Variants in SLC24A2 observed in about 807,000 individuals in gnomAD.
The protein encoded by SLC24A2 is solute carrier family 24 member 2.
SLC24A2 carries 36 observed loss-of-function variants against 62.0 expected under a neutral mutation model. That is an observed-to-expected ratio of 0.58 (90% CI 0.44 to 0.77). The LOEUF is 0.77. Ranked by LOEUF, SLC24A2 falls within the 30% of genes least tolerant of loss-of-function variation. The pLI, the probability that SLC24A2 is intolerant of heterozygous loss-of-function variation, is 0.00. For missense variants in SLC24A2, 846 were observed against 817.9 expected (o/e 1.03, Z -0.42); for synonymous variants, 358 against 294.0 (o/e 1.22, Z -2.23).
intron 2 of SLC24A2, among the ~76,000 whole-genome samples, chr9:19,688,298 G>A (rs112383870): frequency 6.6e-6 from 1 of 152,086 alleles, no homozygotes; most frequent in African/African-American, 2.4e-5. Context: ...CTTCTCCAGA[G>A]CCTCAGTTTC....
the SLC24A2 span, among the ~76,000 whole-genome samples, chr9:20,277,630 C>A: frequency 6.6e-6 from 1 of 152,172 alleles, no homozygotes; most frequent in Admixed American, 6.5e-5. Context: ...CACTTTTACA[C>A]TATTGGTGGG....
intron 7 of SLC24A2, among the ~76,000 whole-genome samples, chr9:19,561,436 CTTTTTTT>C (rs10641024): frequency 7.2e-6 from 1 of 138,206 alleles, no homozygotes; most frequent in Non-Finnish European, 1.5e-5. Context: ...GGAAAACAGA[CTTTTTTT>C]TTTTTTTTTG....
chr9:19,716,034 A>AT (rs1233705851), intron 2 of SLC24A2, among the ~76,000 whole-genome samples: 1 of 152,198 alleles, frequency 6.6e-6, no homozygotes, highest in East Asian at 1.9e-4. Context: ...AACTTACAAA[A>AT]TTAGAGGCTT....
the SLC24A2 span, among the ~76,000 whole-genome samples, chr9:19,822,000 C>A: frequency 1.3e-4 from 20 of 152,132 alleles, no homozygotes; most frequent in Admixed American, 4.6e-4. Context: ...ATATAGTGTG[C>A]AAGACATTTA....
chr9:19,630,379 GATA>G (rs1261053998), intron 2 of SLC24A2, among the ~76,000 whole-genome samples: 2 of 151,952 alleles, frequency 1.3e-5, no homozygotes, highest in Non-Finnish European at 2.9e-5. Flanking sequence ...TTTAATTTTT[GATA>G]ATATTAACAG....
intron 1 of SLC24A2, among the ~76,000 whole-genome samples, chr9:19,788,293 T>A (rs1283145360): frequency 6.6e-6 from 1 of 152,160 alleles, no homozygotes; most frequent in African/African-American, 2.4e-5. Flanking sequence ...TTCACAGCAC[T>A]CAGGGGATTG....
At chr9:20,107,699 T>A in the SLC24A2 span, among the ~76,000 whole-genome samples, 10 of 152,118 alleles carry the variant, frequency 6.6e-5, no homozygotes, top group South Asian at 8.3e-4. Context: ...TTAATTCAAG[T>A]TGGATTAAAG....
chr9:19,844,521 A>AG, the SLC24A2 span, among the ~76,000 whole-genome samples: 1 of 152,100 alleles, frequency 6.6e-6, no homozygotes, highest in Non-Finnish European at 1.5e-5. Flanking sequence ...TAGTTTAATT[A>AG]GGTTCCATTT....
At chr9:19,803,295 A>G in the SLC24A2 span, among the ~76,000 whole-genome samples, 1 of 152,344 alleles carries the variant, frequency 6.6e-6, no homozygotes, top group Admixed American at 6.5e-5. Context: ...CTCTATATAA[A>G]CAAACATTTT....
chr9:19,881,094 G>A, the SLC24A2 span, among the ~76,000 whole-genome samples: 1 of 152,050 alleles, frequency 6.6e-6, no homozygotes. Flanking sequence ...TTAGAACTAG[G>A]CACAAAGTAG....
chr9:19,574,614 T>A (rs1405599026), intron 6 of SLC24A2, among the ~76,000 whole-genome samples: 1 of 25,524 alleles, frequency 3.9e-5, no homozygotes, highest in Non-Finnish European at 8.2e-5. Flanking sequence ...AGAAAATGCA[T>A]ATAAAACACT....
chr9:19,699,899 C>T (rs1404980712), intron 2 of SLC24A2, among the ~76,000 whole-genome samples: 1 of 152,046 alleles, frequency 6.6e-6, no homozygotes, highest in Non-Finnish European at 1.5e-5. Context: ...TGACTCAGCC[C>T]CTTCTGGTTA....
the SLC24A2 span, among the ~76,000 whole-genome samples, chr9:20,298,677 G>T: frequency 3.3e-5 from 5 of 152,218 alleles, no homozygotes; most frequent in Non-Finnish European, 4.4e-5. Flanking sequence ...AGCAGCCTGT[G>T]GGCTAAACAC....
the SLC24A2 span, among the ~76,000 whole-genome samples, chr9:20,220,440 G>A: frequency 6.6e-6 from 1 of 152,124 alleles, no homozygotes; most frequent in African/African-American, 2.4e-5. Context: ...CTCCATATGG[G>A]TAAGCAGGAG....
chr9:19,709,171 C>T (rs1381519342), intron 2 of SLC24A2, among the ~76,000 whole-genome samples: 1 of 151,920 alleles, frequency 6.6e-6, no homozygotes, highest in Non-Finnish European at 1.5e-5. Flanking sequence ...TCATCACTGG[C>T]CATCAGAGAA....
Position 19,513,178 on chromosome 9 carries a change from A to ATATATG in SLC24A2, c.*2974_*2975insCATATA, listed in dbSNP as rs1449953420. On this transcript the variant is annotated 3_prime_UTR_variant, in exon 11 of 11. Transcript: ENST00000341998. ...GATATATATATATATATATATATGT[A>ATATATG]TATATATATATATGTATATATTTAT... 2.7e-4 allele frequency: 29 copies of ATATATG among 108,198 alleles called. No individual in the cohort carries two copies. Among genetic ancestry groups the ATATATG allele is most frequent in the East Asian group, 8.5e-4 (3 of 3,520 alleles). The allele number at this position is 108,198 out of a possible 1,614,324, so 6.7% of individuals were successfully genotyped here.
At chr9:19,849,592 A>G in the SLC24A2 span, among the ~76,000 whole-genome samples, 5 of 152,228 alleles carry the variant, frequency 3.3e-5, no homozygotes, top group African/African-American at 1.2e-4. Context: ...AATTTTAAAA[A>G]TGAAATGCAT....
At chr9:19,795,363 C>T in the SLC24A2 span, among the ~76,000 whole-genome samples, 1 of 149,020 alleles carries the variant, frequency 6.7e-6, no homozygotes, top group Non-Finnish European at 1.5e-5. Context: ...TTCTTAGTAA[C>T]AACAGTGACA....
At chr9:19,891,782 C>T in the SLC24A2 span, among the ~76,000 whole-genome samples, 17 of 152,248 alleles carry the variant, frequency 1.1e-4, no homozygotes, top group Non-Finnish European at 2.2e-4. Flanking sequence ...AAACAATCAG[C>T]TCTTGAGAGA....
Sources: gnomAD v4.1 joint callset for allele counts (sites outside exome capture counted in the v4.1 genomes callset) on GRCh38, gnomAD v4.1.1 for gene constraint, MANE v1.5 for transcripts, NCBI Gene and HGNC (gene_info 2026-07-23, HGNC 2026-07-21) for gene names.